TEK: variants seen among roughly 807,000 people sequenced by gnomAD.
TEK encodes angiopoietin-1 receptor.
TEK carries 43 observed loss-of-function variants against 131.8 expected under a neutral mutation model. The observed-to-expected ratio is 0.33, with a 90% CI of 0.26 to 0.42. TEK has a LOEUF of 0.42. TEK is among the 10% of genes least tolerant of loss of function. TEK has a pLI of 1.00. For synonymous variants in TEK, 580 were observed against 491.6 expected (o/e 1.18, Z -2.38); for missense variants, 1,162 against 1,384.4 (o/e 0.84, Z 2.55).
In TEK at chr9:27,182,753, A is replaced by G. The variant is rs115619686; in HGVS notation, c.1031-706A>G. 2.5e-3 allele frequency among the ~76,000 whole-genome samples: 378 copies of G among 152,320 alleles called. 4 individuals are homozygous for G. Among genetic ancestry groups the G allele is most frequent in the African/African-American group, 8.5e-3 (354 of 41,572 alleles). On this transcript the variant is annotated intron_variant, in intron 7 of 22. Transcript: ENST00000380036. ...TATATTTCAGGGTTATTCATTCTCT[A>G]CTGTGTAGATGTTAGGCAAGAAATC...
chr9:27,115,523 G>GAAC (rs1564032742), intron 1 of TEK, among the ~76,000 whole-genome samples: 2 of 151,740 alleles, frequency 1.3e-5, no homozygotes, highest in East Asian at 3.9e-4. Flanking sequence ...ACAAACAAAC[G>GAAC]AAACTAAATT....
chr9:27,123,052 CAAAAAAAAA>C (rs10700803), intron 1 of TEK, among the ~76,000 whole-genome samples: 12 of 34,712 alleles, frequency 3.5e-4, no homozygotes, highest in Admixed American at 1.6e-3. Context: ...GACTCTGTCT[CAAAAAAAAA>C]AAAAAAAAAA....
At chr9:27,152,602 C>CA (rs1564062906) in intron 1 of TEK, among the ~76,000 whole-genome samples, 1 of 111,996 alleles carries the variant, frequency 8.9e-6, no homozygotes, top group Non-Finnish European at 1.9e-5. Context: ...CCCCCCGCCG[C>CA]AAAAAAATAA....
Position 27,180,354 on chromosome 9 carries a change from A to G in TEK, c.1016A>G (p.Gln339Arg), listed in dbSNP as rs1234286915. ...CLCSPGWQGL[Q>R]CEREGIQRMT... is the part of the protein sequence containing the mutation. ...TGCTCTCCAGGATGGCAGGGGCTCC[A>G]GTGTGAGAGAGAAGGTAAAGCAAGG... Residue 339 changes from glutamine to arginine, a missense_variant, in exon 7 of 23, where the codon CAG becomes CGG. This residue lies in a region of TEK where 436 missense variants were observed against 539.1 expected (regional missense o/e 0.81). Transcript: ENST00000380036. The G allele has an allele frequency of 1.2e-6, 2 of 1,613,336 alleles. No individual in the cohort carries two copies. Among genetic ancestry groups the G allele is most frequent in the South Asian group, 2.2e-5 (2 of 91,008 alleles).
In TEK at chr9:27,214,062, C is replaced by A. The variant is rs146328446; in HGVS notation, c.2991+465C>A. Among the ~76,000 whole-genome samples the A allele has an allele frequency of 3.3e-3, 499 of 152,352 alleles. 2 individuals are homozygous for A. The highest frequency in any genetic ancestry group is 0.011 in the African/African-American group (478 of 41,580). On this transcript the variant is annotated intron_variant, in intron 18 of 22. Coordinates refer to ENST00000380036, the MANE Select transcript of TEK (RefSeq NM_000459.5). ...ACTTCTACAGGCTCATCTAAGATTTCTCTCTTCACTGAAACCTCAATGGTC... is the reference window on the plus strand; with the variant it reads ...ACTTCTACAGGCTCATCTAAGATTTATCTCTTCACTGAAACCTCAATGGTC...
intron 1 of TEK, among the ~76,000 whole-genome samples, chr9:27,155,819 GT>G (rs11325198): frequency 0.44 from 61,967 of 139,568 alleles, 13,311 homozygotes; most frequent in African/African-American, 0.57. Flanking sequence ...GAGCACTTTT[GT>G]TTTTTTTTTT....
chr9:27,218,277 A>C, intron 19 of TEK, among the ~76,000 whole-genome samples: 1 of 151,496 alleles, frequency 6.6e-6, no homozygotes, highest in South Asian at 2.1e-4. Context: ...GACTTGTCCA[A>C]GGGGTTTTGC....
chr9:27,133,969 G>A lies in TEK; in HGVS notation c.53-23862G>A, dbSNP rs377601657. ...TCCTGTGTGAGGAGTTACTGGCCAAGCCAATAGTCGTTAGAGGTACAGGTT... is the reference window on the plus strand; with the variant it reads ...TCCTGTGTGAGGAGTTACTGGCCAAACCAATAGTCGTTAGAGGTACAGGTT... On this transcript the variant is annotated intron_variant, in intron 1 of 22. Transcript: ENST00000380036. Among the ~76,000 whole-genome samples, 12 of 152,318 alleles carry A rather than the reference G, an allele frequency of 7.9e-5. No homozygotes were observed. The South Asian group carries it at 2.5e-3, about 32-fold the overall frequency.
intron 16 of TEK, 148 bp from the exon 17 acceptor site, chr9:27,212,559 C>G (rs1825675012): frequency 1.2e-6 from 1 of 841,128 alleles, no homozygotes. Context: ...ACCCGTCTTC[C>G]TCCTGTCCCC....
Position 27,127,531 on chromosome 9 carries a change from T to C in TEK, c.52+17889T>C, listed in dbSNP as rs768697622. 2.0e-5 allele frequency among the ~76,000 whole-genome samples: 3 copies of C among 152,348 alleles called. No homozygotes were observed. The East Asian group carries it at 5.8e-4, about 29-fold the overall frequency. Reference sequence around the variant, plus strand: ...GTCAAATGGTATTTGGTATTTCTAGTTCTAGATCCTTGAGGAATTGCCATA... The same window carrying C: ...GTCAAATGGTATTTGGTATTTCTAGCTCTAGATCCTTGAGGAATTGCCATA... On this transcript the variant is annotated intron_variant, in intron 1 of 22. Transcript: ENST00000380036.
chr9:27,170,325 C>G (rs1463000909), intron 4 of TEK, among the ~76,000 whole-genome samples: 1 of 152,022 alleles, frequency 6.6e-6, no homozygotes, highest in Non-Finnish European at 1.5e-5. Flanking sequence ...ACACTAAGGA[C>G]TCTTAATAAA....
chr9:27,219,744 T>G (rs1249787992), intron 20 of TEK, among the ~76,000 whole-genome samples: 3 of 118,194 alleles, frequency 2.5e-5, no homozygotes, highest in African/African-American at 6.6e-5. Context: ...AGGTTAATCT[T>G]ATTGGTATAA....
At chr9:27,194,470 A>G (rs1824936716) in intron 11 of TEK, among the ~76,000 whole-genome samples, 1 of 152,172 alleles carries the variant, frequency 6.6e-6, no homozygotes, top group African/African-American at 2.4e-5. Flanking sequence ...ATAAACCCAG[A>G]AACTATATAG....
intron 15 of TEK, among the ~76,000 whole-genome samples, chr9:27,207,238 G>C (rs1206242372): frequency 6.6e-6 from 1 of 152,182 alleles, no homozygotes; most frequent in South Asian, 2.1e-4. Flanking sequence ...TATCTTGTGG[G>C]TTTGGGGACC....
rs550033589 is a variant in TEK, at chr9:27,154,389, C to T, written c.53-3442C>T. On this transcript the variant is annotated intron_variant, in intron 1 of 22. Coordinates refer to ENST00000380036, the MANE Select transcript of TEK (RefSeq NM_000459.5). ...GGCATGAGCCACCGCGCCCAGCCTC[C>T]AGCTGCCCCTTTTTAAGAAATGGGC... Among the ~76,000 whole-genome samples the T allele has an allele frequency of 8.5e-5, 13 of 152,300 alleles. 1 individual carries two copies. In the South Asian group the frequency reaches 2.7e-3, roughly 32 times the overall value.
intron 1 of TEK, among the ~76,000 whole-genome samples, chr9:27,154,093 T>TA (rs1823233557): frequency 6.6e-6 from 1 of 152,226 alleles, no homozygotes; most frequent in Non-Finnish European, 1.5e-5. Context: ...TAAAGGGACA[T>TA]ATATGTCCAT....
chr9:27,148,430 T>C (rs1271941200), intron 1 of TEK, among the ~76,000 whole-genome samples: 1 of 152,260 alleles, frequency 6.6e-6, no homozygotes, highest in African/African-American at 2.4e-5. Context: ...CTTATGCTTC[T>C]GTATGTCATC....
chr9:27,157,850 G>A lies in TEK; in HGVS notation c.72G>A (p.Met24Ile), dbSNP rs1823391416. 1 of 1,614,028 alleles carries A rather than the reference G, an allele frequency of 6.2e-7. No individual in the cohort carries two copies. The highest frequency in any genetic ancestry group is 8.5e-7 in the Non-Finnish European group (1 of 1,179,992). The change falls in exon 2 of 23, where the codon ATG (methionine) becomes ATA (isoleucine). Residue 24 changes from methionine (M) to isoleucine (I), a missense_variant. Met to Ile is a conservative substitution (Grantham distance 10). This residue lies in a region of TEK where 436 missense variants were observed against 539.1 expected (regional missense o/e 0.81). Coordinates refer to ENST00000380036, the MANE Select transcript of TEK (RefSeq NM_000459.5). The stretch of plus-strand genomic sequence containing the variant: ...TTTTAGGAACTGTGGAAGGTGCCAT[G>A]GACTTGATCTTGATCAATTCCCTAC... ...LLLSGTVEGA[M>I]DLILINSLPL...
At chr9:27,109,720 C>G in intron 1 of TEK, 78 bp downstream of exon 1, 10 of 1,427,100 alleles carry the variant, frequency 7.0e-6, no homozygotes, top group Non-Finnish European at 8.8e-6. Context: ...CTCCCCAAAT[C>G]TCATCAGTGC....
Sources: gnomAD v4.1 joint callset for allele counts (sites outside exome capture counted in the v4.1 genomes callset) on GRCh38, gnomAD v4.1.1 for gene constraint, gnomAD v4.1.1 regional missense constraint, MANE v1.5 for transcripts, NCBI Gene and HGNC (gene_info 2026-07-23, HGNC 2026-07-21) for gene names.